Variants in EFR3B observed in about 807,000 individuals in gnomAD.
EFR3B encodes the protein protein EFR3 homolog B.
Under a neutral mutation model 104.7 loss-of-function variants are expected in EFR3B, and 64 were observed. The observed-to-expected ratio is 0.61, with a 90% CI of 0.50 to 0.75. EFR3B has a LOEUF of 0.75. EFR3B is among the 30% of genes least tolerant of loss of function. EFR3B has a pLI of 0.00. For synonymous variants in EFR3B, 385 were observed against 417.9 expected (o/e 0.92, Z 0.96); for missense variants, 750 against 1,078.5 (o/e 0.70, Z 4.27).
intron 1 of EFR3B, among the ~76,000 whole-genome samples, chr2:25,079,153 A>G (rs932637635): frequency 2.6e-5 from 4 of 152,200 alleles, no homozygotes; most frequent in African/African-American, 7.2e-5. Flanking sequence ...TTGACATTTA[A>G]TGCAGCACAG....
chr2:25,053,196 C>T (rs1418731579), intron 1 of EFR3B, among the ~76,000 whole-genome samples: 8 of 152,212 alleles, frequency 5.3e-5, no homozygotes, highest in Admixed American at 3.3e-4. Context: ...CAGTCAACAG[C>T]GAGGCTGGGA....
intron 1 of EFR3B, among the ~76,000 whole-genome samples, chr2:25,047,416 A>G (rs1382718069): frequency 6.6e-6 from 1 of 152,142 alleles, no homozygotes; most frequent in Non-Finnish European, 1.5e-5. Flanking sequence ...CATGGCAGAG[A>G]TGAATTAGGA....
intron 1 of EFR3B, among the ~76,000 whole-genome samples, chr2:25,072,624 G>A (rs116644844): frequency 0.021 from 3,222 of 152,206 alleles, 104 homozygotes; most frequent in African/African-American, 0.074. Flanking sequence ...TTCTCTAGAT[G>A]GTCTCCCTTC....
At chr2:25,111,824 G>A (rs1229195365) in intron 4 of EFR3B, among the ~76,000 whole-genome samples, 4 of 152,176 alleles carry the variant, frequency 2.6e-5, no homozygotes, top group African/African-American at 9.7e-5. Context: ...GGATGGAGGT[G>A]GCTTCTGGAA....
In EFR3B at chr2:25,155,734, A is replaced by G. The variant is rs938039613; in HGVS notation, c.*1394A>G. ...TCCTTCTCCGTTAGTCACATTTCCCATAACTCCTCCGAGCCAACATAACCT... is the reference window on the plus strand; with the variant it reads ...TCCTTCTCCGTTAGTCACATTTCCCGTAACTCCTCCGAGCCAACATAACCT... On this transcript the variant is annotated 3_prime_UTR_variant, in exon 23 of 23. Transcript: ENST00000403714. 1 of 152,150 alleles carries G rather than the reference A, an allele frequency of 6.6e-6. No individual in the cohort carries two copies. The highest frequency in any genetic ancestry group is 1.5e-5 in the Non-Finnish European group (1 of 68,060). 9.4% of individuals were successfully genotyped at this position (152,150 alleles called of 1,614,324 possible).
chr2:25,104,421 C>G (rs1227260076), intron 4 of EFR3B, among the ~76,000 whole-genome samples: 2 of 152,202 alleles, frequency 1.3e-5, no homozygotes, highest in African/African-American at 2.4e-5. Context: ...CAAAGTTGTG[C>G]AACCATTAAC....
At chr2:25,096,403 C>T (rs1669277621) in intron 3 of EFR3B, among the ~76,000 whole-genome samples, 1 of 152,188 alleles carries the variant, frequency 6.6e-6, no homozygotes. Context: ...CAGATGATGG[C>T]AGTAGCCTTG....
At chr2:25,124,277 AGTGTGTGTGTGTGTGT>A (rs5829961) in intron 5 of EFR3B, among the ~76,000 whole-genome samples, 10,527 of 124,794 alleles carry the variant, frequency 0.084, 932 homozygotes, top group African/African-American at 0.24. Flanking sequence ...TGTGCATGCA[AGTGTGTGTGTGTGTGT>A]GTGTGTGTGT....
intron 4 of EFR3B, among the ~76,000 whole-genome samples, chr2:25,105,720 AG>A (rs1315342734): frequency 6.6e-6 from 1 of 152,234 alleles, no homozygotes; most frequent in African/African-American, 2.4e-5. Context: ...AGCCTAGAAG[AG>A]AACATCTGAA....
rs1305229438 is a variant in EFR3B, at chr2:25,046,495, A to G, written c.7+4176A>G. On this transcript the variant is annotated intron_variant, in intron 1 of 22. Transcript: ENST00000403714. ...TGCAGGGCAAGGCAGGCTCCCCCTG[A>G]AGTACAAAGTCTTTTTTTTTTTTTT... is the stretch of plus-strand genomic sequence containing the variant. 3.5e-5 allele frequency among the ~76,000 whole-genome samples: 5 copies of G among 142,238 alleles called. No homozygotes were observed. In the Admixed American group the frequency reaches 3.9e-4, roughly 11 times the overall value. 93.3% of individuals were successfully genotyped at this position (142,238 alleles called of 152,430 possible).
At position 25,159,126 on chromosome 2, in the gene EFR3B, G is replaced by A. The variant is rs1217191284; in HGVS notation, c.*4786G>A. 1 of 152,230 alleles carries A rather than the reference G, an allele frequency of 6.6e-6. No individual in the cohort carries two copies. The highest frequency in any genetic ancestry group is 1.5e-5 in the Non-Finnish European group (1 of 68,042). 9.4% of individuals were successfully genotyped at this position (152,230 alleles called of 1,614,324 possible). On this transcript the variant is annotated 3_prime_UTR_variant, in exon 23 of 23. Transcript: ENST00000403714. ...ATGCCCTTTTCAAATAAATGTTAAT[G>A]TTGTCACCACATGGCTGTCTGTTTG...
At position 25,137,101 on chromosome 2, in the gene EFR3B, A is replaced by G. The variant is rs1330059974; in HGVS notation, c.1561-240A>G. On this transcript the variant is annotated intron_variant, in intron 14 of 22. Coordinates refer to ENST00000403714, the MANE Select transcript of EFR3B (RefSeq NM_014971.2). This position sits in a 1 kb window ranked among gnomAD's most constrained non-coding sequence, Gnocchi z 4.7. ...GGGCCAGTGACTGTGTTCTGCTCCT[A>G]CACCTGGATTTGGGCAGCAGCTTCT... is the stretch of plus-strand genomic sequence containing the variant. 6.6e-6 allele frequency among the ~76,000 whole-genome samples: 1 copy of G among 152,078 alleles called. No homozygotes were observed. The highest frequency in any genetic ancestry group is 1.9e-4 in the East Asian group (1 of 5,178).
rs961742608 is a variant in EFR3B at position 25,130,181 on chromosome 2, G to A, written c.770+72G>A. 93 of 1,540,736 alleles carry A rather than the reference G, an allele frequency of 6.0e-5. No individual in the cohort carries two copies. The highest frequency in any genetic ancestry group is 7.6e-5 in the Non-Finnish European group (87 of 1,139,134). On this transcript the variant is annotated intron_variant, in intron 7 of 22. Coordinates refer to ENST00000403714, the MANE Select transcript of EFR3B (RefSeq NM_014971.2). The surrounding 1 kb of genome is among the most constrained non-coding windows in gnomAD (Gnocchi z 4.6). Reference sequence around the variant, plus strand: ...GTGTTTCAGGTCCCTGGCATCTCCTGGCTGGCTGGGGGGAAGGGGATATTA... The same window carrying A: ...GTGTTTCAGGTCCCTGGCATCTCCTAGCTGGCTGGGGGGAAGGGGATATTA...
intron 18 of EFR3B, 102 bp from the exon 19 acceptor site, chr2:25,144,858 G>A (rs1670770939): frequency 1.2e-5 from 12 of 984,550 alleles, no homozygotes; most frequent in East Asian, 2.6e-5. Flanking sequence ...TTAGAGGACT[G>A]TGGACCAAGC....
chr2:25,087,207 C>T (rs1346125929), intron 1 of EFR3B, among the ~76,000 whole-genome samples: 1 of 152,042 alleles, frequency 6.6e-6, no homozygotes, highest in Non-Finnish European at 1.5e-5. Flanking sequence ...TAACTGTCCC[C>T]ATGATTAAAT....
At chr2:25,121,157 C>A in intron 4 of EFR3B, among the ~76,000 whole-genome samples, 1 of 152,204 alleles carries the variant, frequency 6.6e-6, no homozygotes, top group East Asian at 1.9e-4. Flanking sequence ...CTGCCTCGGC[C>A]TCCCAAAGTG....
chr2:25,087,610 C>T (rs1366703866), intron 1 of EFR3B, among the ~76,000 whole-genome samples: 2 of 151,698 alleles, frequency 1.3e-5, no homozygotes, highest in Non-Finnish European at 2.9e-5. Flanking sequence ...GTAGCTGGGA[C>T]TACAGGCACC....
At chr2:25,075,285 C>T (rs567516623) in intron 1 of EFR3B, among the ~76,000 whole-genome samples, 16 of 152,284 alleles carry the variant, frequency 1.1e-4, no homozygotes, top group South Asian at 8.3e-4. Flanking sequence ...CCTGTGTGAT[C>T]GTAGGCAAAT....
chr2:25,071,901 T>C (rs1668509350), intron 1 of EFR3B, among the ~76,000 whole-genome samples: 3 of 152,256 alleles, frequency 2.0e-5, no homozygotes, highest in African/African-American at 7.2e-5. Flanking sequence ...GGAAGGCTCC[T>C]GCCTGTGGCT....
Sources: allele counts gnomAD v4.1 joint callset (sites outside exome capture counted in the v4.1 genomes callset), GRCh38; gene constraint gnomAD v4.1.1; non-coding constraint Gnocchi (gnomAD v3.1); transcripts MANE v1.5; gene names NCBI Gene and HGNC (gene_info 2026-07-23, HGNC 2026-07-21).